The following UNC13D variants were observed in gnomAD, a reference collection of about 807,000 sequenced individuals.
UNC13D encodes protein unc-13 homolog D.
In UNC13D, 115 loss-of-function variants were observed where a neutral mutation model predicts 151.7. The observed-to-expected ratio is 0.76, with a 90% CI of 0.65 to 0.88. The LOEUF is 0.88. Ranked by LOEUF, UNC13D falls within the 40% of genes least tolerant of loss-of-function variation. UNC13D has a pLI of 0.00. For missense variants in UNC13D, 1,369 were observed against 1,438.7 expected (o/e 0.95, Z 0.78); for synonymous variants, 588 against 612.2 (o/e 0.96, Z 0.58).
In UNC13D at chr17:75,827,891, G is replaced by A. The variant is rs2062134463; in HGVS notation, c.*74C>T. 2.6e-6 allele frequency: 4 copies of A among 1,550,126 alleles called. No homozygotes were observed. Among genetic ancestry groups the A allele is most frequent in the Middle Eastern group, 2.3e-4 (1 of 4,376 alleles). On this transcript the variant is annotated 3_prime_UTR_variant, in exon 32 of 32. Transcript: ENST00000207549. The stretch of plus-strand genomic sequence containing the variant: ...AGGCTGGAGGGCCGCGATGTGGCGG[G>A]GAAGCCCCAGACCCTACAGGAAAGC...
In UNC13D at chr17:75,835,409, C is replaced by T. The variant is rs1490166703; in HGVS notation, c.1848G>A (p.Glu616=). ...ARVQRAVQMD[E]LVPLGELTKH... ...CCCCCTGCCCTGGCCACGCCCCCAC[C>T]TCATCCATCTGCACAGCGCGCTGCA... Residue 616 remains glutamate, a splice_region_variant and synonymous_variant, in exon 20 of 32, where the codon GAG becomes GAA. Transcript: ENST00000207549. The T allele has an allele frequency of 6.2e-7, 1 of 1,611,866 alleles. No homozygotes were observed. Among genetic ancestry groups the T allele is most frequent in the Non-Finnish European group, 8.5e-7 (1 of 1,179,708 alleles).
chr17:75,829,578 C>G (rs538800499), intron 30 of UNC13D: 4,365 of 183,876 alleles, frequency 0.024, 276 homozygotes, highest in African/African-American at 0.11. Flanking sequence ...CAGGCATGAG[C>G]CACCACGCCT....
chr17:75,842,761 G>C (rs376454168), intron 5 of UNC13D, 96 bp downstream of exon 5: 3 of 1,592,704 alleles, frequency 1.9e-6, no homozygotes, highest in Non-Finnish European at 2.6e-6. Flanking sequence ...AGGGCTTCTT[G>C]GAAGTGGGTG....
In UNC13D at chr17:75,827,495, C is replaced by A. The variant is rs555207051; in HGVS notation, c.*470G>T. 1.7e-5 allele frequency: 26 copies of A among 1,514,616 alleles called. No homozygotes were observed. In the African/African-American group the frequency reaches 2.1e-4, roughly 12 times the overall value. The allele number at this position is 1,514,616 out of a possible 1,614,324, so 93.8% of individuals were successfully genotyped here. On this transcript the variant is annotated 3_prime_UTR_variant, in exon 32 of 32. Coordinates refer to ENST00000207549, the MANE Select transcript of UNC13D (RefSeq NM_199242.3). The stretch of plus-strand genomic sequence containing the variant: ...CTAGTAATGGCCACCACCCTCCCCC[C>A]AGGGCAGCTGGAGCCTCATCTTTGG...
chr17:75,835,495 A>G lies in UNC13D; in HGVS notation c.1762T>C (p.Trp588Arg), dbSNP rs2064901506. 6.2e-7 allele frequency: 1 copy of G among 1,610,240 alleles called. No individual in the cohort carries two copies. Among genetic ancestry groups the G allele is most frequent in the Non-Finnish European group, 8.5e-7 (1 of 1,178,464 alleles). ...GVLALDNFHR[W>R]FQPAIPSWLQ... ...CAGGAGGGGATGGCCGGCTGGAACCAGCGGTGGAAATTATCCAGGGCCAGG... is the reference window on the plus strand; with the variant it reads ...CAGGAGGGGATGGCCGGCTGGAACCGGCGGTGGAAATTATCCAGGGCCAGG... The change falls in exon 20 of 32, where the codon TGG becomes CGG. Residue 588 changes from tryptophan to arginine, a missense_variant. Physicochemically the swap from Trp to Arg is moderately radical, Grantham distance 101 (BLOSUM62 -3). Around this residue, in one of 3 missense-constraint regions of UNC13D, gnomAD observed 807 missense variants for 795.5 expected, o/e 1.01. Transcript: ENST00000207549.
At chr17:75,829,345 G>T (rs559001309) in intron 30 of UNC13D, among the ~76,000 whole-genome samples, 4 of 152,302 alleles carry the variant, frequency 2.6e-5, no homozygotes, top group African/African-American at 9.6e-5. Flanking sequence ...ACCTAGGCTG[G>T]AGTGCAGTGG....
At chr17:75,831,214 G>T (rs750758037) in intron 26 of UNC13D, 29 bp downstream of exon 26, 1 of 1,614,118 alleles carries the variant, frequency 6.2e-7, no homozygotes, top group South Asian at 1.1e-5. Flanking sequence ...TCCCACCAGG[G>T]TTATCATTGC....
intron 25 of UNC13D, 38 bp from the exon 26 acceptor site, chr17:75,831,386 AG>A: frequency 6.3e-7 from 1 of 1,579,788 alleles, no homozygotes; most frequent in Non-Finnish European, 8.6e-7. Flanking sequence ...ACAGCACGGC[AG>A]GGCGGTGGCG....
Position 75,840,604 on chromosome 17 carries a change from G to C in UNC13D, c.684-28C>G. 2 of 1,613,932 alleles carry C rather than the reference G, an allele frequency of 1.2e-6. No individual in the cohort carries two copies. Among genetic ancestry groups the C allele is most frequent in the South Asian group, 2.2e-5 (2 of 91,084 alleles). On this transcript the variant is annotated intron_variant, in intron 8 of 31. Transcript: ENST00000207549. This position sits in a 1 kb window ranked among gnomAD's most constrained non-coding sequence, Gnocchi z 4.6. ...GCGTCAGGCAGGGTCCCATAAGGGG[G>C]ACGCAGCAAGGGTCGGAAGGGATTA...
rs1442964152 is a variant in UNC13D at position 75,835,723 on chromosome 17, CT to C, written c.1650del (p.Glu551ArgfsTer21). 3.1e-6 allele frequency: 5 copies of C among 1,613,652 alleles called. No individual in the cohort carries two copies. Among genetic ancestry groups the C allele is most frequent in the Non-Finnish European group, 4.2e-6 (5 of 1,180,044 alleles). ...HTTVVGDVVS[P>X]EMGESLFQLY... ...AGCTGGAACAGACTCTCGCCCATCT[CT>C]GGGGACACTACATCACCCACAACCG... On this transcript the variant is annotated frameshift_variant, in exon 19 of 32. Transcript: ENST00000207549. LOFTEE classifies it high-confidence loss of function.
chr17:75,841,236 C>T (rs1250358959), intron 6 of UNC13D: 4 of 488,640 alleles, frequency 8.2e-6, no homozygotes, highest in Non-Finnish European at 1.5e-5. Flanking sequence ...CCTCTGCCTC[C>T]TGGGTTCAAG....
intron 6 of UNC13D, 173 bp from the exon 7 acceptor site, chr17:75,841,174 G>A: frequency 1.6e-6 from 1 of 613,766 alleles, no homozygotes; most frequent in African/African-American, 2.5e-5. Flanking sequence ...ATGGAGTCTA[G>A]TTCTGTCCCC....
rs1464303795 is a variant in UNC13D at position 75,833,222 on chromosome 17, C to T, written c.2368-177G>A. On this transcript the variant is annotated intron_variant, in intron 24 of 31. Coordinates refer to ENST00000207549, the MANE Select transcript of UNC13D (RefSeq NM_199242.3). The surrounding 1 kb of genome is among the most constrained non-coding windows in gnomAD (Gnocchi z 4.0). ...CTGCCTTCCCCTCTCCGTTGCTCAGCCTGTCCCAGCCACACTGGCCTCCTC... is the reference window on the plus strand; with the variant it reads ...CTGCCTTCCCCTCTCCGTTGCTCAGTCTGTCCCAGCCACACTGGCCTCCTC... 6.7e-6 allele frequency: 4 copies of T among 592,636 alleles called. No individual in the cohort carries two copies. In the East Asian group the frequency reaches 9.1e-5, roughly 14 times the overall value. 36.7% of individuals were successfully genotyped at this position (592,636 alleles called of 1,614,324 possible).
In UNC13D at chr17:75,835,442, C is replaced by A; in HGVS notation, c.1815G>T (p.Leu605=). 1 of 1,613,008 alleles carries A rather than the reference C, an allele frequency of 6.2e-7. No homozygotes were observed. Among genetic ancestry groups the A allele is most frequent in the Non-Finnish European group, 8.5e-7 (1 of 1,179,834 alleles). ...TCTGCACAGCGCGCTGCACCCGCGC[C>A]AGGGCCTCGTTGTACGTCTTCTGCA... is the stretch of plus-strand genomic sequence containing the variant. The part of the protein sequence containing the change: ...SWLQKTYNEA[L]ARVQRAVQMD... The change falls in exon 20 of 32, where the codon CTG becomes CTT. Residue 605 remains leucine (L), a synonymous_variant. Transcript: ENST00000207549.
At chr17:75,829,147 G>A (rs142571012) in intron 30 of UNC13D, among the ~76,000 whole-genome samples, 164 bp from the exon 31 acceptor site, 244 of 152,330 alleles carry the variant, frequency 1.6e-3, no homozygotes, top group African/African-American at 5.6e-3. Context: ...TGCTCTGACC[G>A]TGGGCTGATG....
At position 75,833,337 on chromosome 17, in the gene UNC13D, T is replaced by A; in HGVS notation, c.2368-292A>T. 1 of 289,234 alleles carries A rather than the reference T, an allele frequency of 3.5e-6. No homozygotes were observed. Among genetic ancestry groups the A allele is most frequent in the Non-Finnish European group, 6.7e-6 (1 of 148,316 alleles). The allele number at this position is 289,234 out of a possible 1,614,324, so 17.9% of individuals were successfully genotyped here. On this transcript the variant is annotated intron_variant, in intron 24 of 31. Coordinates refer to ENST00000207549, the MANE Select transcript of UNC13D (RefSeq NM_199242.3). This position sits in a 1 kb window ranked among gnomAD's most constrained non-coding sequence, Gnocchi z 4.0. ...CCTGGAATGCTCCTCCCCTAGAACT[T>A]CTCATGCCTCCTCCCCTTGCTTCCC...
chr17:75,840,476 G>A lies in UNC13D; in HGVS notation c.753+31C>T, dbSNP rs377763393. On this transcript the variant is annotated intron_variant, in intron 9 of 31. Transcript: ENST00000207549. This position sits in a 1 kb window ranked among gnomAD's most constrained non-coding sequence, Gnocchi z 4.6. Reference sequence around the variant, plus strand: ...CCTCCCAACCCCCTCCCTCTGCCTCGCTCCTGGGCCCCTTTCCTCATCCTC... The same window carrying A: ...CCTCCCAACCCCCTCCCTCTGCCTCACTCCTGGGCCCCTTTCCTCATCCTC... 29 of 1,611,364 alleles carry A rather than the reference G, an allele frequency of 1.8e-5. No individual in the cohort carries two copies. In the East Asian group the frequency reaches 3.1e-4, roughly 17 times the overall value.
Position 75,840,980 on chromosome 17 carries a change from A to G in UNC13D, c.591T>C (p.Asn197=), listed in dbSNP as rs550008977. Residue 197 remains asparagine, a synonymous_variant, in exon 7 of 32, where the codon AAT becomes AAC. Transcript: ENST00000207549. This position sits in a 1 kb window ranked among gnomAD's most constrained non-coding sequence, Gnocchi z 4.6. ...TFILEFEDIT[N]ASFHLDMWDL... ...ACCACATGTCCAGATGAAAGCTCGC[A>G]TTGGTGATGTCCTCAAACTCCCTGT... The G allele has an allele frequency of 2.5e-6, 4 of 1,613,920 alleles. No individual in the cohort carries two copies. In the South Asian group the frequency reaches 4.4e-5, roughly 18 times the overall value.
chr17:75,838,299 A>G (rs112196783), intron 12 of UNC13D, among the ~76,000 whole-genome samples: 15,908 of 149,332 alleles, frequency 0.11, 912 homozygotes, highest in South Asian at 0.13. Context: ...GGTCACTGCA[A>G]CCTCCACCTC....
Sources: gnomAD v4.1 joint callset for allele counts (sites outside exome capture counted in the v4.1 genomes callset) on GRCh38, gnomAD v4.1.1 for gene constraint, gnomAD v4.1.1 regional missense constraint, Gnocchi (gnomAD v3.1) non-coding constraint, MANE v1.5 for transcripts, NCBI Gene and HGNC (gene_info 2026-07-23, HGNC 2026-07-21) for gene names.